The following TTN variants were observed in gnomAD, a reference collection of about 807,000 sequenced individuals.
TTN encodes connectin.
Under a neutral mutation model 3,223.0 loss-of-function variants are expected in TTN, and 1,525 were observed. The ratio of observed to expected loss-of-function variants is 0.47; its 90% CI spans 0.45 to 0.49. The LOEUF (loss-of-function observed/expected upper bound fraction) is 0.49. Among genes scored for constraint, TTN ranks in the 20% least tolerant of loss-of-function variants. The pLI, the probability that TTN is intolerant of heterozygous loss-of-function variation, is 0.00. For synonymous variants in TTN, 14,094 were observed against 15,161.0 expected (o/e 0.93, Z 5.17); for missense variants, 40,786 against 43,424.0 (o/e 0.94, Z 5.40).
chr2:178,747,854 G>A, intron 47 of TTN: 1 of 1,612,910 alleles, frequency 6.2e-7, no homozygotes, highest in Non-Finnish European at 8.5e-7. Context: ...ATGAATGTTT[G>A]TACTTATTTG....
Position 178,714,063 on chromosome 2 carries a change from C to G in TTN, c.26595G>C (p.Lys8865Asn), listed in dbSNP as rs765507696. 26 of 1,613,522 alleles carry G rather than the reference C, an allele frequency of 1.6e-5. No individual in the cohort carries two copies. In the East Asian group the frequency reaches 5.8e-4, roughly 36 times the overall value. Residue 8865 changes from lysine to asparagine, a missense_variant, in exon 92 of 363, where the codon AAG (lysine) becomes AAC (asparagine). By Grantham distance (94) the Lys-to-Asn change is moderately conservative. Coordinates refer to ENST00000589042, the MANE Select transcript of TTN (RefSeq NM_001267550.2). ...GTPELSTKWF[K>N]DGKELTSDNK... ...TGTCACTTGTTAGCTCTTTTCCATCCTTAAACCACTTAGTACTGAGTTCAG... is the reference window on the plus strand; with the variant it reads ...TGTCACTTGTTAGCTCTTTTCCATCGTTAAACCACTTAGTACTGAGTTCAG...
chr2:178,770,831 T>G (rs772102522), intron 34 of TTN, 156 bp from the exon 35 acceptor site: 4 of 987,778 alleles, frequency 4.0e-6, no homozygotes, highest in Non-Finnish European at 4.8e-6. Flanking sequence ...CACCTGAGAT[T>G]ATTTAGGGGA....
rs779856071 is a variant in TTN, at chr2:178,717,135, G to A, written c.25599C>T (p.Ile8533=). 29 of 1,613,244 alleles carry A rather than the reference G, an allele frequency of 1.8e-5. No homozygotes were observed. The highest frequency in any genetic ancestry group is 2.3e-5 in the Non-Finnish European group (27 of 1,179,508). Reference sequence around the variant, plus strand: ...GAGCAGAACAAGAGTCTTTTCCAGCGATGTTGCTTGCATAGCAGGTGTACT... The same window carrying A: ...GAGCAGAACAAGAGTCTTTTCCAGCAATGTTGCTTGCATAGCAGGTGTACT... ...AGQYTCYASN[I]AGKDSCSAQL... The change falls in exon 88 of 363, where the codon ATC becomes ATT. Residue 8533 remains isoleucine (I), a synonymous_variant. Coordinates refer to ENST00000589042, the MANE Select transcript of TTN (RefSeq NM_001267550.2).
In TTN at chr2:178,770,627, T is replaced by G; in HGVS notation, c.8165A>C (p.Gln2722Pro). 6.2e-7 allele frequency: 1 copy of G among 1,614,034 alleles called. No homozygotes were observed. The highest frequency in any genetic ancestry group is 8.5e-7 in the Non-Finnish European group (1 of 1,180,008). Residue 2722 changes from glutamine (Q) to proline (P), a missense_variant, in exon 35 of 363, where the codon CAG becomes CCG. Physicochemically the swap from Gln to Pro is moderately conservative, Grantham distance 76. Coordinates refer to ENST00000589042, the MANE Select transcript of TTN (RefSeq NM_001267550.2). ...TLKNLTVTET[Q>P]DAVFTVELTH... ...AAGCTCGACAGTGAAAACAGCATCC[T>G]GTGTTTCTGTCACTGTGAGGTTCTT...
chr2:178,698,861 C>T lies in TTN; in HGVS notation c.30736G>A (p.Glu10246Lys), dbSNP rs1249597639. The T allele has an allele frequency of 6.5e-7, 1 of 1,539,262 alleles. No homozygotes were observed. Among genetic ancestry groups the T allele is most frequent in the East Asian group, 2.4e-5 (1 of 41,082 alleles). Reference sequence around the variant, plus strand: ...ATAATACCTTCACGTGGTGTCATCTCTTTGGGCTTTGCAACAACTTTTTTG... The same window carrying T: ...ATAATACCTTCACGTGGTGTCATCTTTTTGGGCTTTGCAACAACTTTTTTG... ...DAKKVVAKPK[E>K]MTPREEIVKK... Residue 10246 changes from glutamate to lysine, a missense_variant, in exon 112 of 363, where the codon GAG becomes AAG. Physicochemically the swap from Glu to Lys is moderately conservative, Grantham distance 56. Transcript: ENST00000589042.
chr2:178,735,753 T>C lies in TTN; in HGVS notation c.14693A>G (p.Gln4898Arg), dbSNP rs763540495. The part of the protein sequence containing the change: ...PHFIKELEPV[Q>R]SAINKKVHLE... Reference sequence around the variant, plus strand: ...GTGGACCTTCTTATTGATAGCGGACTGCACAGGCTCTAATTCTTTAATGAA... The same window carrying C: ...GTGGACCTTCTTATTGATAGCGGACCGCACAGGCTCTAATTCTTTAATGAA... Residue 4898 changes from glutamine (Q) to arginine (R), a missense_variant, in exon 50 of 363, where the codon CAG (glutamine) becomes CGG (arginine). Transcript: ENST00000589042. The C allele has an allele frequency of 6.2e-7, 1 of 1,613,812 alleles. No individual in the cohort carries two copies. The highest frequency in any genetic ancestry group is 1.1e-5 in the South Asian group (1 of 91,084).
At position 178,636,393 on chromosome 2, in the gene TTN, AT is replaced by A; in HGVS notation, c.41329+4del. 1 of 1,596,294 alleles carries A rather than the reference AT, an allele frequency of 6.3e-7. No homozygotes were observed. The highest frequency in any genetic ancestry group is 8.5e-7 in the Non-Finnish European group (1 of 1,170,860). On this transcript the variant is annotated splice_donor_region_variant and intron_variant, in intron 225 of 362. Transcript: ENST00000589042. This position sits in a 1 kb window ranked among gnomAD's most constrained non-coding sequence, Gnocchi z 4.3. ...ATAGATTATGTTCAGAAGACTAGAA[AT>A]TACCTTCTACAACAAGTTTAGCCGT...
chr2:178,741,702 A>C lies in TTN; in HGVS notation c.11531T>G (p.Ile3844Ser). ...CTGAATTTTAGGTTTGGGGATGCCA[A>C]TGACAGTTACAGACAGTGTAGCCAC... ...GDVATLSVTV[I>S]GIPKPKIQWF... Residue 3844 changes from isoleucine (I) to serine (S), a missense_variant, in exon 48 of 363, where the codon ATT (isoleucine) becomes AGT (serine). Ile to Ser is a moderately radical substitution (Grantham distance 142). Transcript: ENST00000589042. The C allele has an allele frequency of 6.2e-7, 1 of 1,613,776 alleles. No individual in the cohort carries two copies. Among genetic ancestry groups the C allele is most frequent in the South Asian group, 1.1e-5 (1 of 91,080 alleles).
rs1693808668 is a variant in TTN, at chr2:178,540,378, T to G, written c.97796-8A>C. On this transcript the variant is annotated splice_region_variant and splice_polypyrimidine_tract_variant and intron_variant, in intron 350 of 362. Transcript: ENST00000589042. ...GTGGCTTTCCTGGAGGAGCTGAGAA[T>G]AAGAATAAGAATATACTGGTTAAAG... The G allele has an allele frequency of 6.2e-7, 1 of 1,603,576 alleles. No individual in the cohort carries two copies. The highest frequency in any genetic ancestry group is 2.2e-5 in the East Asian group (1 of 44,742).
At chr2:178,554,401 GTTTATTTT>G (rs1700517342) in intron 332 of TTN, 44 bp downstream of exon 332, 23 of 1,572,828 alleles carry the variant, frequency 1.5e-5, no homozygotes, top group African/African-American at 2.7e-5. Context: ...GGTTAGCGTA[GTTTATTTT>G]TAAATTTTTC....
intron 250 of TTN, 22 bp from the exon 251 acceptor site, chr2:178,618,875 G>A (rs1409300357): frequency 6.2e-7 from 1 of 1,601,962 alleles, no homozygotes; most frequent in South Asian, 1.1e-5. Flanking sequence ...GATAACATGT[G>A]AACGCTTTCG....
In TTN at chr2:178,568,286, G is replaced by A. The variant is rs1706723806; in HGVS notation, c.77846C>T (p.Thr25949Ile). 6.2e-7 allele frequency: 1 copy of A among 1,613,362 alleles called. No individual in the cohort carries two copies. The highest frequency in any genetic ancestry group is 8.5e-7 in the Non-Finnish European group (1 of 1,179,622). Residue 25949 changes from threonine to isoleucine, a missense_variant, in exon 326 of 363, where the codon ACA becomes ATA. Thr to Ile is a moderately conservative substitution (Grantham distance 89). Transcript: ENST00000589042. ...DVVSATVART[T>I]LKVTKLKTGT... ...AGTTTTCAGTTTGGTCACTTTGAGTGTAGTTCTAGCAACAGTAGCAGAAAC... is the reference window on the plus strand; with the variant it reads ...AGTTTTCAGTTTGGTCACTTTGAGTATAGTTCTAGCAACAGTAGCAGAAAC...
chr2:178,591,842 C>G lies in TTN; in HGVS notation c.59977G>C (p.Glu19993Gln). ...DLHHVDVDKT[E>Q]VSLVWNKPDR... is the part of the protein sequence containing the mutation. ...GGCTTATTCCAGACTAGGGAGACTT[C>G]AGTCTTGTCAACATCTACATGGTGC... Residue 19993 changes from glutamate (E) to glutamine (Q), a missense_variant, in exon 303 of 363, where the codon GAA becomes CAA. Coordinates refer to ENST00000589042, the MANE Select transcript of TTN (RefSeq NM_001267550.2). The G allele has an allele frequency of 1.2e-6, 2 of 1,613,278 alleles. No homozygotes were observed. Among genetic ancestry groups the G allele is most frequent in the Non-Finnish European group, 1.7e-6 (2 of 1,179,558 alleles).
In TTN at chr2:178,714,486, T is replaced by G. The variant is rs1453342840; in HGVS notation, c.26288A>C (p.Glu8763Ala). Residue 8763 changes from glutamate (E) to alanine (A), a missense_variant, in exon 91 of 363, where the codon GAA becomes GCA. Physicochemically the swap from Glu to Ala is moderately radical, Grantham distance 107 (BLOSUM62 -1). Coordinates refer to ENST00000589042, the MANE Select transcript of TTN (RefSeq NM_001267550.2). ...VQLQTTIEGA[E>A]PISVVWFKDK... ...TTTGAACCACACCACTGAAATGGGT[T>G]CAGCGCCTTCAATGGTAGTCTGCAG... The G allele has an allele frequency of 1.9e-6, 3 of 1,613,424 alleles. No individual in the cohort carries two copies. The African/African-American group carries it at 4.0e-5, about 22-fold the overall frequency.
At chr2:178,631,409 T>C in intron 236 of TTN, 109 bp from the exon 237 acceptor site, 1 of 1,207,842 alleles carries the variant, frequency 8.3e-7, no homozygotes, top group South Asian at 1.6e-5. Flanking sequence ...CTTTTAAAAT[T>C]GTGTCAAGTG....
In TTN at chr2:178,531,179, C is replaced by T. The variant is rs746800387; in HGVS notation, c.105436G>A (p.Ala35146Thr). The change falls in exon 358 of 363, where the codon GCA becomes ACA. Residue 35146 changes from alanine to threonine, a missense_variant. Coordinates refer to ENST00000589042, the MANE Select transcript of TTN (RefSeq NM_001267550.2). ...CCATCGGTGTCACAAGAAAACCTTGCAGACTCGCCCTCGTAGACGGTCATG... is the reference window on the plus strand; with the variant it reads ...CCATCGGTGTCACAAGAAAACCTTGTAGACTCGCCCTCGTAGACGGTCATG... ...RSMTVYEGES[A>T]RFSCDTDGEP... is the part of the protein sequence containing the mutation. The T allele has an allele frequency of 6.2e-7, 1 of 1,614,026 alleles. No individual in the cohort carries two copies. Among genetic ancestry groups the T allele is most frequent in the East Asian group, 2.2e-5 (1 of 44,888 alleles).
Position 178,757,749 on chromosome 2 carries a change from T to C in TTN, c.10471A>G (p.Ile3491Val). ...TVRFHARVSG[I>V]PKPEIQWFHN... ...AACCATTGGATTTCTGGCTTGGGAATGCCAGAAACCCTCGCATGAAATCTG... is the reference window on the plus strand; with the variant it reads ...AACCATTGGATTTCTGGCTTGGGAACGCCAGAAACCCTCGCATGAAATCTG... The change falls in exon 45 of 363, where the codon ATT becomes GTT. Residue 3491 changes from isoleucine (I) to valine (V), a missense_variant. Coordinates refer to ENST00000589042, the MANE Select transcript of TTN (RefSeq NM_001267550.2). The C allele has an allele frequency of 6.2e-7, 1 of 1,613,898 alleles. No individual in the cohort carries two copies. The highest frequency in any genetic ancestry group is 8.5e-7 in the Non-Finnish European group (1 of 1,179,810).
intron 163 of TTN, among the ~76,000 whole-genome samples, chr2:178,666,012 G>A (rs1259775388): frequency 6.6e-6 from 1 of 152,070 alleles, no homozygotes; most frequent in Non-Finnish European, 1.5e-5. Flanking sequence ...TGGAATGGTA[G>A]ATGCATAGAA....
rs1238178074 is a variant in TTN at position 178,615,469 on chromosome 2, G to A, written c.48476C>T (p.Pro16159Leu). 2 of 1,611,972 alleles carry A rather than the reference G, an allele frequency of 1.2e-6. No homozygotes were observed. Among genetic ancestry groups the A allele is most frequent in the South Asian group, 2.2e-5 (2 of 90,918 alleles). The change falls in exon 259 of 363, where the codon CCA becomes CTA. Residue 16159 changes from proline (P) to leucine (L), a missense_variant. Pro to Leu is a moderately conservative substitution (Grantham distance 98, BLOSUM62 -3). Transcript: ENST00000589042. ...TCGATCTCTCCATTTAACATTCTCT[G>A]GTGGGTCAGGTACCGCTACAACATT... ...MSTPATVPDP[P>L]ENVKWRDRTA... is the part of the protein sequence containing the mutation.
Sources: allele counts gnomAD v4.1 joint callset (sites outside exome capture counted in the v4.1 genomes callset), GRCh38; gene constraint gnomAD v4.1.1; non-coding constraint Gnocchi (gnomAD v3.1); transcripts MANE v1.5; gene names NCBI Gene and HGNC (gene_info 2026-07-23, HGNC 2026-07-21).